TSHZ2: variants seen among roughly 807,000 people sequenced by gnomAD.
The protein encoded by TSHZ2 is teashirt zinc finger homeobox 2.
TSHZ2 carries 21 observed loss-of-function variants against 74.4 expected under a neutral mutation model. The ratio of observed to expected loss-of-function variants is 0.28; its 90% CI spans 0.20 to 0.41. TSHZ2 has a LOEUF of 0.41. Among genes scored for constraint, TSHZ2 ranks in the 10% least tolerant of loss-of-function variants. The pLI is 1.00. For synonymous variants in TSHZ2, 540 were observed against 515.3 expected (o/e 1.05, Z -0.65); for missense variants, 1,244 against 1,293.5 (o/e 0.96, Z 0.59).
At chr20:53,006,097 T>TA (rs1390926861) in intron 1 of TSHZ2, among the ~76,000 whole-genome samples, 1 of 152,196 alleles carries the variant, frequency 6.6e-6, no homozygotes, top group East Asian at 1.9e-4. Context: ...CTTACGAGCC[T>TA]AAAGTTTGGA....
At chr20:53,397,045 C>G (rs1438887016) in intron 2 of TSHZ2, among the ~76,000 whole-genome samples, 4 of 152,128 alleles carry the variant, frequency 2.6e-5, no homozygotes, top group Admixed American at 1.3e-4. Context: ...TAGGCAATAC[C>G]ATTTAGGACA....
chr20:53,233,898 G>C (rs1989882585), intron 1 of TSHZ2, among the ~76,000 whole-genome samples: 1 of 152,156 alleles, frequency 6.6e-6, no homozygotes, highest in South Asian at 2.1e-4. Flanking sequence ...ACATGCTTTG[G>C]ATTTTCTTCC....
rs1986390009 is a variant in TSHZ2, at chr20:53,106,822, C to T, written c.40+133489C>T. On this transcript the variant is annotated intron_variant, in intron 1 of 2. Transcript: ENST00000371497. ...AAGCGATTCTCCAGCCTCAGCCTCC[C>T]AAGTAGCTGGGACTACAGGCATGCA... Among the ~76,000 whole-genome samples the T allele has an allele frequency of 3.3e-5, 5 of 150,808 alleles. No individual in the cohort carries two copies. In the South Asian group the frequency reaches 1.0e-3, roughly 32 times the overall value.
intron 1 of TSHZ2, among the ~76,000 whole-genome samples, chr20:53,170,300 C>G (rs1299896): frequency 6.6e-6 from 1 of 152,038 alleles, no homozygotes. Flanking sequence ...GCTAAGAAGC[C>G]GTAGACTGCA....
At chr20:53,169,644 T>C (rs1382269936) in intron 1 of TSHZ2, among the ~76,000 whole-genome samples, 1 of 152,232 alleles carries the variant, frequency 6.6e-6, no homozygotes, top group Non-Finnish European at 1.5e-5. Flanking sequence ...TGTGCATATA[T>C]GTAAATTTAA....
At chr20:53,061,707 A>G (rs1036045168) in intron 1 of TSHZ2, among the ~76,000 whole-genome samples, 1 of 152,242 alleles carries the variant, frequency 6.6e-6, no homozygotes, top group Non-Finnish European at 1.5e-5. Flanking sequence ...GGTTCCAGAA[A>G]GACTCCAGGC....
At chr20:53,013,268 C>G (rs776852273) in intron 1 of TSHZ2, among the ~76,000 whole-genome samples, 1 of 152,206 alleles carries the variant, frequency 6.6e-6, no homozygotes, top group Admixed American at 6.5e-5. Context: ...GGCTTCCCAA[C>G]AGGCTCTACT....
intron 1 of TSHZ2, among the ~76,000 whole-genome samples, chr20:53,084,618 C>T (rs1420981102): frequency 1.3e-5 from 2 of 150,902 alleles, no homozygotes; most frequent in Non-Finnish European, 3.0e-5. Context: ...TCCTTTCCAA[C>T]CAAACTTCCT....
intron 2 of TSHZ2, among the ~76,000 whole-genome samples, chr20:53,367,933 T>C (rs931614416): frequency 6.6e-6 from 1 of 152,144 alleles, no homozygotes; most frequent in Non-Finnish European, 1.5e-5. Context: ...AATCTATTTA[T>C]TTGTATTGTT....
chr20:53,335,076 C>G (rs1318738573), intron 2 of TSHZ2, among the ~76,000 whole-genome samples: 1 of 152,190 alleles, frequency 6.6e-6, no homozygotes. Context: ...GTTGCAATAA[C>G]CCAGGTGAGA....
At chr20:52,975,672 A>G (rs1981307115) in intron 1 of TSHZ2, among the ~76,000 whole-genome samples, 2 of 152,146 alleles carry the variant, frequency 1.3e-5, no homozygotes, top group South Asian at 4.1e-4. Flanking sequence ...AGGATGATTC[A>G]TTTCGTACAC....
intron 2 of TSHZ2, among the ~76,000 whole-genome samples, chr20:53,406,390 G>A (rs1188242686): frequency 1.3e-5 from 2 of 152,186 alleles, no homozygotes; most frequent in African/African-American, 4.8e-5. Flanking sequence ...ATTTTGAAAA[G>A]GATATTCTGG....
intron 1 of TSHZ2, among the ~76,000 whole-genome samples, chr20:53,227,927 A>C (rs1989721281): frequency 6.6e-6 from 1 of 151,014 alleles, no homozygotes. Flanking sequence ...GAAGTTTCAA[A>C]GTTTTACCAC....
chr20:53,248,302 G>A (rs1167678802), intron 1 of TSHZ2, among the ~76,000 whole-genome samples: 2 of 151,628 alleles, frequency 1.3e-5, no homozygotes, highest in Non-Finnish European at 2.9e-5. Context: ...CCAACTCCTG[G>A]GCTCAAGTAA....
Position 53,253,931 on chromosome 20 carries a change from G to A in TSHZ2, c.473G>A (p.Arg158Gln), listed in dbSNP as rs759090660. Residue 158 changes from arginine (R) to glutamine (Q), a missense_variant, in exon 2 of 3, where the codon CGA becomes CAA. Arg to Gln is a conservative substitution (Grantham distance 43). Around this residue, in one of 6 missense-constraint regions of TSHZ2, gnomAD observed 470 missense variants for 456.5 expected, o/e 1.03. Transcript: ENST00000371497. ...SNSERRNCDT[R>Q]NGSNKSDFDW... ...AGTGAGAGGAGGAACTGTGACACCC[G>A]AAACGGCAGCAACAAGAGTGATTTT... is the stretch of plus-strand genomic sequence containing the variant. 7.4e-6 allele frequency: 12 copies of A among 1,614,042 alleles called. No homozygotes were observed. Among genetic ancestry groups the A allele is most frequent in the African/African-American group, 2.7e-5 (2 of 74,920 alleles).
At chr20:53,445,555 G>A (rs1292713494) in intron 2 of TSHZ2, among the ~76,000 whole-genome samples, 1 of 152,140 alleles carries the variant, frequency 6.6e-6, no homozygotes, top group East Asian at 1.9e-4. Flanking sequence ...CCTTTACCAA[G>A]CCTAATTTAA....
chr20:53,370,323 G>A (rs1981421763), intron 2 of TSHZ2, among the ~76,000 whole-genome samples: 2 of 152,328 alleles, frequency 1.3e-5, no homozygotes, highest in Admixed American at 1.3e-4. Flanking sequence ...CAGGCTCTTT[G>A]TGAAGGGAGA....
At chr20:53,051,457 G>GCGCA (rs778579793) in intron 1 of TSHZ2, among the ~76,000 whole-genome samples, 9 of 145,208 alleles carry the variant, frequency 6.2e-5, no homozygotes, top group South Asian at 4.4e-4. Flanking sequence ...TGTGGCGCAC[G>GCGCA]CACACACACA....
chr20:53,143,113 A>C (rs1212558068), intron 1 of TSHZ2, among the ~76,000 whole-genome samples: 1 of 152,176 alleles, frequency 6.6e-6, no homozygotes, highest in Non-Finnish European at 1.5e-5. Context: ...TGTAAATACT[A>C]TTCGAATTGA....
Sources: gnomAD v4.1 joint callset for allele counts (sites outside exome capture counted in the v4.1 genomes callset) on GRCh38, gnomAD v4.1.1 for gene constraint, gnomAD v4.1.1 regional missense constraint, MANE v1.5 for transcripts, NCBI Gene and HGNC (gene_info 2026-07-23, HGNC 2026-07-21) for gene names.